The following TMEM132D variants were observed in gnomAD, a reference collection of about 807,000 sequenced individuals.
TMEM132D encodes transmembrane protein 132D.
TMEM132D carries 21 observed loss-of-function variants against 62.3 expected under a neutral mutation model. The observed-to-expected ratio is 0.34, with a 90% confidence interval of 0.24 to 0.49. The LOEUF (loss-of-function observed/expected upper bound fraction) is 0.49. Among genes scored for constraint, TMEM132D ranks in the 20% least tolerant of loss-of-function variants. The pLI is 0.99. For synonymous variants in TMEM132D, 621 were observed against 575.6 expected (o/e 1.08, Z -1.13); for missense variants, 1,346 against 1,402.8 (o/e 0.96, Z 0.65).
chr12:129,887,225 C>A (rs975831050), intron 1 of TMEM132D, among the ~76,000 whole-genome samples: 1 of 152,060 alleles, frequency 6.6e-6, no homozygotes, highest in Non-Finnish European at 1.5e-5. Flanking sequence ...GCAGACCGCC[C>A]GCCCCTCCCT....
At chr12:129,534,467 T>C (rs1876323065) in intron 2 of TMEM132D, among the ~76,000 whole-genome samples, 1 of 151,800 alleles carries the variant, frequency 6.6e-6, no homozygotes, top group Non-Finnish European at 1.5e-5. Flanking sequence ...TATACATATA[T>C]GTATACATAA....
intron 3 of TMEM132D, among the ~76,000 whole-genome samples, chr12:129,345,452 C>G (rs187344797): frequency 2.1e-4 from 32 of 152,114 alleles, no homozygotes; most frequent in African/African-American, 4.8e-5. Context: ...CCAGTTTCAA[C>G]GGAATGGGCT....
At chr12:129,879,265 G>T (rs1874522260) in intron 1 of TMEM132D, among the ~76,000 whole-genome samples, 1 of 152,184 alleles carries the variant, frequency 6.6e-6, no homozygotes, top group Non-Finnish European at 1.5e-5. Flanking sequence ...CAGATGGGAA[G>T]ATTTTTAAAA....
intron 4 of TMEM132D, among the ~76,000 whole-genome samples, chr12:129,327,287 C>G (rs2135648025): frequency 6.6e-6 from 1 of 152,328 alleles, no homozygotes; most frequent in South Asian, 2.1e-4. Context: ...GAACAACAGA[C>G]AGTGGGTCCG....
At chr12:129,254,185 A>G (rs995783626) in intron 4 of TMEM132D, among the ~76,000 whole-genome samples, 3 of 152,306 alleles carry the variant, frequency 2.0e-5, no homozygotes, top group South Asian at 2.1e-4. Flanking sequence ...GAAAGAATAC[A>G]TCGGAATCAA....
intron 3 of TMEM132D, among the ~76,000 whole-genome samples, chr12:129,484,193 C>G (rs1447242756): frequency 6.6e-6 from 1 of 152,120 alleles, no homozygotes; most frequent in Non-Finnish European, 1.5e-5. Context: ...TGGTCTTGAA[C>G]TCCTGAGCTC....
rs761353988 is a variant in TMEM132D, at chr12:129,428,910, C to T, written c.1116-91093G>A. Among the ~76,000 whole-genome samples, 120 of 152,352 alleles carry T rather than the reference C, an allele frequency of 7.9e-4. 1 individual carries two copies. Among genetic ancestry groups the T allele is most frequent in the South Asian group, 2.1e-4 (1 of 4,828 alleles). On this transcript the variant is annotated intron_variant, in intron 3 of 8. Transcript: ENST00000422113. ...TGCAGAAATCTTTGGAAACAGAAGACTCCGTGAAAGTAAATGAGGAAGTGT... is the reference window on the plus strand; with the variant it reads ...TGCAGAAATCTTTGGAAACAGAAGATTCCGTGAAAGTAAATGAGGAAGTGT...
chr12:129,372,003 C>T (rs573137476), intron 3 of TMEM132D, among the ~76,000 whole-genome samples: 6 of 152,216 alleles, frequency 3.9e-5, no homozygotes, highest in South Asian at 2.1e-4. Context: ...AAGGGATGTC[C>T]AGGTAGCTGA....
intron 3 of TMEM132D, among the ~76,000 whole-genome samples, chr12:129,389,207 T>G (rs190435387): frequency 6.6e-6 from 1 of 151,622 alleles, no homozygotes; most frequent in East Asian, 2.0e-4. Context: ...CCAAGACTAA[T>G]ACATGAACAG....
intron 2 of TMEM132D, among the ~76,000 whole-genome samples, chr12:129,640,264 G>A (rs2137174283): frequency 6.6e-6 from 1 of 152,238 alleles, no homozygotes; most frequent in East Asian, 1.9e-4. Flanking sequence ...ATTCAGCTCT[G>A]AGAGTTTAGC....
chr12:129,236,177 A>T (rs570828430), intron 4 of TMEM132D, among the ~76,000 whole-genome samples: 45 of 145,254 alleles, frequency 3.1e-4, no homozygotes, highest in African/African-American at 1.1e-3. Flanking sequence ...AGAGAGAGAG[A>T]GTCACTAATG....
chr12:129,630,600 C>A (rs569868193), intron 2 of TMEM132D, among the ~76,000 whole-genome samples: 6 of 152,086 alleles, frequency 3.9e-5, no homozygotes, highest in African/African-American at 1.4e-4. Flanking sequence ...GCCATGATAT[C>A]TGTTATTCAA....
chr12:129,646,516 A>C (rs1879781949), intron 2 of TMEM132D, among the ~76,000 whole-genome samples: 1 of 152,150 alleles, frequency 6.6e-6, no homozygotes, highest in South Asian at 2.1e-4. Flanking sequence ...ATATTTCAGG[A>C]ATACAAAAGA....
chr12:129,259,923 CA>C (rs1410468585), intron 4 of TMEM132D, among the ~76,000 whole-genome samples: 1 of 151,700 alleles, frequency 6.6e-6, no homozygotes, highest in African/African-American at 2.4e-5. Context: ...GGGAAAGAGC[CA>C]AATTGGGAAG....
At chr12:129,819,957 G>A (rs773824952) in intron 1 of TMEM132D, among the ~76,000 whole-genome samples, 4 of 152,076 alleles carry the variant, frequency 2.6e-5, no homozygotes, top group African/African-American at 4.8e-5. Context: ...CACGTGCACC[G>A]TGGACATGAC....
At chr12:129,553,476 C>CT (rs1428648356) in intron 2 of TMEM132D, among the ~76,000 whole-genome samples, 1 of 152,222 alleles carries the variant, frequency 6.6e-6, no homozygotes, top group Non-Finnish European at 1.5e-5. Flanking sequence ...CACTGTACGT[C>CT]TGTGCCTTCA....
At chr12:129,734,017 C>T (rs1869339133) in intron 1 of TMEM132D, among the ~76,000 whole-genome samples, 1 of 152,156 alleles carries the variant, frequency 6.6e-6, no homozygotes, top group East Asian at 1.9e-4. Flanking sequence ...CTCCTTCGTT[C>T]CCACAGCTGC....
chr12:129,888,109 G>A (rs992765344), intron 1 of TMEM132D, among the ~76,000 whole-genome samples: 6 of 152,160 alleles, frequency 3.9e-5, no homozygotes, highest in Non-Finnish European at 1.5e-5. Flanking sequence ...TTGAATGCTT[G>A]TAAAACAAGC....
At chr12:129,354,979 A>C (rs1447470110) in intron 3 of TMEM132D, among the ~76,000 whole-genome samples, 1 of 152,236 alleles carries the variant, frequency 6.6e-6, no homozygotes, top group Non-Finnish European at 1.5e-5. Context: ...TGAGACCCAG[A>C]AACTGATATG....
Sources: gnomAD v4.1 joint callset for allele counts (sites outside exome capture counted in the v4.1 genomes callset) on GRCh38, gnomAD v4.1.1 for gene constraint, MANE v1.5 for transcripts, NCBI Gene and HGNC (gene_info 2026-07-23, HGNC 2026-07-21) for gene names.